The following GRM7 variants were observed in gnomAD, a reference collection of about 807,000 sequenced individuals.
GRM7 encodes the protein metabotropic glutamate receptor 7.
A neutral mutation model predicts 84.5 loss-of-function variants in GRM7; 35 were observed. The observed-to-expected ratio is 0.41, with a 90% CI of 0.32 to 0.55. The LOEUF (loss-of-function observed/expected upper bound fraction) is 0.55. Among genes scored for constraint, GRM7 ranks in the 20% least tolerant of loss-of-function variants. GRM7 has a pLI of 0.19. For missense variants in GRM7, 1,003 were observed against 1,194.6 expected (o/e 0.84, Z 2.36); for synonymous variants, 487 against 455.1 (o/e 1.07, Z -0.89).
At chr3:7,488,988 A>G (rs1026879366) in intron 7 of GRM7, among the ~76,000 whole-genome samples, 20 of 152,138 alleles carry the variant, frequency 1.3e-4, no homozygotes, top group African/African-American at 4.8e-4. Flanking sequence ...ACCGTCCACA[A>G]CAAGTAGTAA....
At chr3:7,645,857 T>C (rs1173716098) in intron 8 of GRM7, among the ~76,000 whole-genome samples, 1 of 152,200 alleles carries the variant, frequency 6.6e-6, no homozygotes, top group East Asian at 1.9e-4. Flanking sequence ...CAAAGTCTCC[T>C]GGGAGTACAC....
intron 1 of GRM7, among the ~76,000 whole-genome samples, chr3:7,125,274 C>T (rs546232552): frequency 6.6e-6 from 1 of 152,248 alleles, no homozygotes; most frequent in African/African-American, 2.4e-5. Flanking sequence ...GGAGGCTAAT[C>T]CCAGTCACTC....
intron 2 of GRM7, among the ~76,000 whole-genome samples, chr3:7,289,386 G>T (rs1269967184): frequency 1.3e-5 from 2 of 152,126 alleles, no homozygotes; most frequent in Non-Finnish European, 2.9e-5. Flanking sequence ...AGAGGTCATT[G>T]TAGTCTTGAA....
intron 1 of GRM7, among the ~76,000 whole-genome samples, chr3:6,977,248 C>T (rs912920902): frequency 6.6e-6 from 1 of 152,014 alleles, no homozygotes; most frequent in Non-Finnish European, 1.5e-5. Flanking sequence ...TTATCTTCAC[C>T]AAAAACGAGA....
chr3:7,090,464 A>G (rs1698621869), intron 1 of GRM7, among the ~76,000 whole-genome samples: 1 of 152,314 alleles, frequency 6.6e-6, no homozygotes, highest in African/African-American at 2.4e-5. Context: ...TTCAAATGCA[A>G]GAATATTCCC....
intron 9 of GRM7, chr3:7,693,629 T>G (rs1700899345): frequency 2.0e-6 from 3 of 1,515,380 alleles, no homozygotes; most frequent in Non-Finnish European, 2.7e-6. Context: ...TTGTTTTTAT[T>G]CAGGTGAGAA....
At chr3:7,399,179 CAATAATAATAATAATAAT>C (rs146619960) in intron 4 of GRM7, among the ~76,000 whole-genome samples, 2 of 146,270 alleles carry the variant, frequency 1.4e-5, no homozygotes, top group East Asian at 4.0e-4. Context: ...ACAACAAGAA[CAATAATAATAATAATAAT>C]AATAATAATA....
intron 8 of GRM7, among the ~76,000 whole-genome samples, chr3:7,615,630 G>A (rs1697046323): frequency 6.6e-6 from 1 of 152,046 alleles, no homozygotes; most frequent in Admixed American, 6.6e-5. Flanking sequence ...ATATTTCTAT[G>A]TAGTCTTCCT....
chr3:7,220,866 C>T (rs918388398), intron 2 of GRM7, among the ~76,000 whole-genome samples: 6 of 152,042 alleles, frequency 3.9e-5, no homozygotes, highest in African/African-American at 1.4e-4. Context: ...TCCATCTCAG[C>T]CTCATTGCAT....
At chr3:7,569,328 T>C (rs1300195731) in intron 7 of GRM7, among the ~76,000 whole-genome samples, 2 of 151,944 alleles carry the variant, frequency 1.3e-5, no homozygotes, top group Non-Finnish European at 2.9e-5. Context: ...CAATGGACAC[T>C]CTGTATCTAG....
At chr3:6,888,881 A>T (rs1282714199) in intron 1 of GRM7, among the ~76,000 whole-genome samples, 1 of 152,148 alleles carries the variant, frequency 6.6e-6, no homozygotes, top group Non-Finnish European at 1.5e-5. Context: ...ATGTTCTTCT[A>T]TTTGTTTGTA....
chr3:7,185,671 A>G (rs1695490392), intron 2 of GRM7, among the ~76,000 whole-genome samples: 2 of 152,148 alleles, frequency 1.3e-5, no homozygotes, highest in South Asian at 4.1e-4. Flanking sequence ...ATCACCTGAG[A>G]TCCTGTAAGT....
At chr3:7,062,790 C>T (rs338081) in intron 1 of GRM7, among the ~76,000 whole-genome samples, 4,383 of 151,770 alleles carry the variant, frequency 0.029, 91 homozygotes, top group Non-Finnish European at 0.043. Flanking sequence ...AAAATTTGGG[C>T]GATTCTGGCC....
intron 7 of GRM7, among the ~76,000 whole-genome samples, chr3:7,517,484 C>G (rs562728855): frequency 5.9e-5 from 9 of 152,224 alleles, no homozygotes; most frequent in African/African-American, 9.6e-5. Context: ...CCTCCACCTC[C>G]CGGGTTCAAG....
intron 1 of GRM7, among the ~76,000 whole-genome samples, chr3:6,969,780 T>C (rs878886937): frequency 1.3e-5 from 2 of 151,854 alleles, no homozygotes; most frequent in Admixed American, 1.3e-4. Flanking sequence ...AGACAGAGAG[T>C]GGTGGTGGTT....
intron 4 of GRM7, among the ~76,000 whole-genome samples, chr3:7,312,864 C>T (rs765503922): frequency 5.3e-4 from 81 of 152,044 alleles, no homozygotes; most frequent in Non-Finnish European, 1.1e-3. Flanking sequence ...ATTGTCCCAG[C>T]CAAACCAGGG....
At chr3:7,607,440 A>C (rs927738035) in intron 8 of GRM7, 2 of 152,206 alleles carry the variant, frequency 1.3e-5, no homozygotes, top group African/African-American at 4.8e-5. Context: ...AAAGAGTATA[A>C]AGAAAACCAA....
intron 1 of GRM7, among the ~76,000 whole-genome samples, chr3:7,059,374 T>C (rs1448519508): frequency 6.6e-6 from 1 of 151,806 alleles, no homozygotes; most frequent in African/African-American, 2.4e-5. Context: ...CCCCCTACCA[T>C]TGTTTAAGCC....
intron 1 of GRM7, among the ~76,000 whole-genome samples, chr3:7,005,929 C>T (rs537809568): frequency 6.6e-6 from 1 of 152,230 alleles, no homozygotes; most frequent in African/African-American, 2.4e-5. Context: ...GAGGAATGCT[C>T]AGACTGGCCA....
Sources: gnomAD v4.1 joint callset for allele counts (sites outside exome capture counted in the v4.1 genomes callset) on GRCh38, gnomAD v4.1.1 for gene constraint, MANE v1.5 for transcripts, NCBI Gene and HGNC (gene_info 2026-07-23, HGNC 2026-07-21) for gene names.